The following FNDC3B variants were observed in gnomAD, a reference collection of about 807,000 sequenced individuals.
FNDC3B encodes the protein fibronectin type III domain containing 3B.
Under a neutral mutation model 151.5 loss-of-function variants are expected in FNDC3B, and 12 were observed. The ratio of observed to expected loss-of-function variants is 0.08; its 90% confidence interval spans 0.05 to 0.13. FNDC3B has a LOEUF of 0.13. Among genes scored for constraint, FNDC3B ranks in the 10% least tolerant of loss-of-function variants. The probability of loss-of-function intolerance (pLI) is 1.00; values close to 1 mark genes in which losing one functional copy is unlikely to be tolerated. For synonymous variants in FNDC3B, 528 were observed against 549.0 expected, an observed-to-expected ratio of 0.96 and a Z score of 0.54; for missense variants, 1,214 against 1,505.3, an observed-to-expected ratio of 0.81 and a Z score of 3.20.
At chr3:172,115,239 G>A (rs1205154935) in intron 2 of FNDC3B, among the ~76,000 whole-genome samples, 1 of 152,178 alleles carries the variant, frequency 6.6e-6, no homozygotes, top group African/African-American at 2.4e-5. Context: ...GGTGTGCGTG[G>A]TAGAGGCTTG....
chr3:172,201,196 T>C (rs1725132354), intron 3 of FNDC3B, among the ~76,000 whole-genome samples: 1 of 152,186 alleles, frequency 6.6e-6, no homozygotes, highest in Non-Finnish European at 1.5e-5. Flanking sequence ...CTGTTAGCGC[T>C]TCCATTGGAA....
chr3:172,354,580 T>TGG (rs1733999616), intron 22 of FNDC3B, among the ~76,000 whole-genome samples: 1 of 151,770 alleles, frequency 6.6e-6, no homozygotes, highest in Admixed American at 6.6e-5. Flanking sequence ...AGTACACAAT[T>TGG]GGGTATACTG....
intron 2 of FNDC3B, among the ~76,000 whole-genome samples, chr3:172,121,395 G>A (rs1206117149): frequency 3.9e-5 from 6 of 152,108 alleles, no homozygotes; most frequent in Admixed American, 3.3e-4. Context: ...GTTAGGACCC[G>A]TGTGGGTTTT....
chr3:172,102,380 T>C (rs1187003834), intron 1 of FNDC3B, among the ~76,000 whole-genome samples: 1 of 152,236 alleles, frequency 6.6e-6, no homozygotes, highest in Admixed American at 6.5e-5. Flanking sequence ...AATCAGTTGT[T>C]TGGTGCTTGC....
chr3:172,241,752 A>G (rs1727503689), intron 4 of FNDC3B, among the ~76,000 whole-genome samples: 1 of 152,196 alleles, frequency 6.6e-6, no homozygotes, highest in Admixed American at 6.5e-5. Flanking sequence ...CAGCCAAACC[A>G]TATCATTATG....
At chr3:172,345,947 T>G (rs1733593980) in intron 19 of FNDC3B, 1 of 153,518 alleles carries the variant, frequency 6.5e-6, no homozygotes, top group Non-Finnish European at 1.4e-5. Flanking sequence ...TTTTATTCAT[T>G]AAAAATTAAA....
intron 3 of FNDC3B, among the ~76,000 whole-genome samples, chr3:172,188,341 A>G (rs1724310628): frequency 6.6e-6 from 1 of 152,012 alleles, no homozygotes; most frequent in Admixed American, 6.6e-5. Flanking sequence ...TGCTATGTTT[A>G]GAGTGGTGGA....
At chr3:172,045,580 C>T (rs1036566061) in intron 1 of FNDC3B, among the ~76,000 whole-genome samples, 1 of 152,174 alleles carries the variant, frequency 6.6e-6, no homozygotes, top group Admixed American at 6.5e-5. Context: ...GGAGTCTTTG[C>T]AACCTACCTG....
chr3:172,174,944 C>CCCCCCCCCCA (rs924176605), intron 3 of FNDC3B, among the ~76,000 whole-genome samples: 1 of 50,654 alleles, frequency 2.0e-5, no homozygotes, highest in African/African-American at 5.2e-5. Flanking sequence ...CCCCCCCCCC[C>CCCCCCCCCCA]CCAATACAAT....
In FNDC3B at chr3:172,363,666, T is replaced by G. The variant is rs370481458; in HGVS notation, c.3008+821T>G. ...GATAGAAGCATTTCTGTTATTTCCT[T>G]TTATGCATGATACTATTCTGTTCCT... On this transcript the variant is annotated intron_variant, in intron 23 of 25. Coordinates refer to ENST00000415807, the MANE Select transcript of FNDC3B (RefSeq NM_022763.4). 9.8e-5 allele frequency among the ~76,000 whole-genome samples: 15 copies of G among 152,326 alleles called. 1 individual carries two copies. In the South Asian group the frequency reaches 1.4e-3, roughly 15 times the overall value.
chr3:172,353,169 T>A (rs1733940137), intron 22 of FNDC3B, 86 bp downstream of exon 22: 1 of 1,284,120 alleles, frequency 7.8e-7, no homozygotes, highest in African/African-American at 1.5e-5. Flanking sequence ...ACCAAGTGGA[T>A]GTCATCTCCC....
intron 1 of FNDC3B, among the ~76,000 whole-genome samples, chr3:172,041,018 T>C (rs1716017969): frequency 6.6e-6 from 1 of 152,212 alleles, no homozygotes; most frequent in Non-Finnish European, 1.5e-5. Context: ...ACAGTGCCGT[T>C]TGCAGACTTC....
chr3:172,075,030 T>G (rs1277020282), intron 1 of FNDC3B, among the ~76,000 whole-genome samples: 1 of 152,178 alleles, frequency 6.6e-6, no homozygotes, highest in Non-Finnish European at 1.5e-5. Context: ...GCCAAAAACA[T>G]TTTTTTCCTT....
At chr3:172,086,241 T>C (rs1718541554) in intron 1 of FNDC3B, among the ~76,000 whole-genome samples, 1 of 152,018 alleles carries the variant, frequency 6.6e-6, no homozygotes, top group Non-Finnish European at 1.5e-5. Context: ...ACACCTGTAG[T>C]CCCAGCTACT....
intron 25 of FNDC3B, among the ~76,000 whole-genome samples, chr3:172,387,402 C>T (rs1735775970): frequency 1.3e-5 from 2 of 152,204 alleles, no homozygotes; most frequent in South Asian, 2.1e-4. Context: ...CTGTCCCCTT[C>T]ATCATATTTT....
intron 3 of FNDC3B, among the ~76,000 whole-genome samples, chr3:172,157,504 G>A (rs1722552154): frequency 6.6e-6 from 1 of 152,122 alleles, no homozygotes; most frequent in Non-Finnish European, 1.5e-5. Flanking sequence ...ATATGGAGTG[G>A]TTCTAGCACC....
intron 3 of FNDC3B, among the ~76,000 whole-genome samples, chr3:172,142,964 T>C (rs1056670322): frequency 2.0e-5 from 3 of 152,152 alleles, no homozygotes; most frequent in Non-Finnish European, 4.4e-5. Context: ...GGGGTCTTCT[T>C]GGGCCTCCTT....
At position 172,111,376 on chromosome 3, in the gene FNDC3B, A is replaced by G. The variant is rs1035850545; in HGVS notation, c.-28-1076A>G. Among the ~76,000 whole-genome samples the G allele has an allele frequency of 5.3e-4, 81 of 152,302 alleles. 1 individual carries two copies. Among genetic ancestry groups the G allele is most frequent in the Admixed American group, 4.5e-3 (69 of 15,302 alleles). The stretch of plus-strand genomic sequence containing the variant: ...GGCTTGGTACTTTTATTTGCTTAGG[A>G]ACTGAGTAATTGCCTCATAAAACAG... On this transcript the variant is annotated intron_variant, in intron 1 of 25. Coordinates refer to ENST00000415807, the MANE Select transcript of FNDC3B (RefSeq NM_022763.4).
rs140302651 is a variant in FNDC3B, at chr3:172,233,010, G to A, written c.264+6063G>A. On this transcript the variant is annotated intron_variant, in intron 4 of 25. Coordinates refer to ENST00000415807, the MANE Select transcript of FNDC3B (RefSeq NM_022763.4). ...TAAATACATATTGAAATCACATGGT[G>A]TGAAGGAAAATTTTCCTTCCATTGT... 1.4e-3 allele frequency among the ~76,000 whole-genome samples: 206 copies of A among 152,282 alleles called. 1 individual carries two copies. Among genetic ancestry groups the A allele is most frequent in the African/African-American group, 4.9e-3 (204 of 41,558 alleles).
Sources: allele counts gnomAD v4.1 joint callset (sites outside exome capture counted in the v4.1 genomes callset), GRCh38; gene constraint gnomAD v4.1.1; transcripts MANE v1.5; gene names NCBI Gene and HGNC (gene_info 2026-07-23, HGNC 2026-07-21).